PHACTR2: variants seen among roughly 807,000 people sequenced by gnomAD.
PHACTR2 encodes the protein phosphatase and actin regulator 2.
PHACTR2 carries 30 observed loss-of-function variants against 76.0 expected under a neutral mutation model. That is an observed-to-expected ratio of 0.39 (90% CI 0.30 to 0.54). The LOEUF is 0.54. Among genes scored for constraint, PHACTR2 ranks in the 20% least tolerant of loss-of-function variants. The pLI, the probability that PHACTR2 is intolerant of heterozygous loss-of-function variation, is 0.61. For synonymous variants in PHACTR2, 292 were observed against 292.5 expected (o/e 1.00, Z 0.02); for missense variants, 696 against 781.1 (o/e 0.89, Z 1.30).
rs1253507625 is a variant in PHACTR2 at position 143,570,565 on chromosome 6, G to C, written c.217+33358G>C. Among the ~76,000 whole-genome samples, 1 of 152,146 alleles carries C rather than the reference G, an allele frequency of 6.6e-6. No homozygotes were observed. Among genetic ancestry groups the C allele is most frequent in the Non-Finnish European group, 1.5e-5 (1 of 68,024 alleles). On this transcript the variant is annotated intron_variant, in intron 1 of 11. Transcript: ENST00000367584. This position sits in a 1 kb window ranked among gnomAD's most constrained non-coding sequence, Gnocchi z 4.6. ...TTGTGCCTTTTCAGTTCAGCTCCCA[G>C]AGCTGGTCCTGATGAGGTGACTGGC...
chr6:143,814,508 C>T (rs1478688237), intron 12 of PHACTR2, among the ~76,000 whole-genome samples: 3 of 150,780 alleles, frequency 2.0e-5, no homozygotes, highest in African/African-American at 7.3e-5. Flanking sequence ...GGTGAAAGAA[C>T]GTCCAATTAT....
At chr6:143,788,477 G>A (rs1259334445) in intron 10 of PHACTR2, among the ~76,000 whole-genome samples, 3 of 152,128 alleles carry the variant, frequency 2.0e-5, no homozygotes, top group Admixed American at 6.5e-5. Flanking sequence ...CTTGCGTCAG[G>A]GATGATAGAC....
Position 143,776,711 on chromosome 6 carries a change from G to T in PHACTR2, c.1590-617G>T, listed in dbSNP as rs1246827789. ...AGTCTAATTAATATATAGCTCATTA[G>T]GGTCTAAAATAGGATGCTGTGCCTG... is the stretch of plus-strand genomic sequence containing the variant. On this transcript the variant is annotated intron_variant, in intron 8 of 12. Coordinates refer to ENST00000440869, the MANE Select transcript of PHACTR2 (RefSeq NM_001100164.2). This position sits in a 1 kb window ranked among gnomAD's most constrained non-coding sequence, Gnocchi z 5.3. Among the ~76,000 whole-genome samples the T allele has an allele frequency of 6.6e-6, 1 of 152,186 alleles. No individual in the cohort carries two copies. Among genetic ancestry groups the T allele is most frequent in the Non-Finnish European group, 1.5e-5 (1 of 68,040 alleles).
chr6:143,579,810 G>A (rs1311136857), intron 1 of PHACTR2, among the ~76,000 whole-genome samples: 1 of 152,084 alleles, frequency 6.6e-6, no homozygotes, highest in East Asian at 1.9e-4. Context: ...TATTGTTTCT[G>A]TGAGTCAGGA....
At position 143,571,863 on chromosome 6, in the gene PHACTR2, T is replaced by C. The variant is rs534947272; in HGVS notation, c.217+34656T>C. On this transcript the variant is annotated intron_variant, in intron 1 of 11. Transcript: ENST00000367584. This position sits in a 1 kb window ranked among gnomAD's most constrained non-coding sequence, Gnocchi z 4.6. Reference sequence around the variant, plus strand: ...CAGTATTATTTTAATGTTAGATTTATAACGTTCTGTTCATGTTCTTGGAAA... The same window carrying C: ...CAGTATTATTTTAATGTTAGATTTACAACGTTCTGTTCATGTTCTTGGAAA... Among the ~76,000 whole-genome samples, 7 of 152,226 alleles carry C rather than the reference T, an allele frequency of 4.6e-5. No homozygotes were observed. Among genetic ancestry groups the C allele is most frequent in the Non-Finnish European group, 8.8e-5 (6 of 68,042 alleles).
chr6:143,796,366 C>T (rs954972560), intron 11 of PHACTR2, among the ~76,000 whole-genome samples: 1 of 148,010 alleles, frequency 6.8e-6, no homozygotes. Flanking sequence ...GCAAGGTCTG[C>T]ATTTTCTTTT....
At position 143,758,063 on chromosome 6, in the gene PHACTR2, G is replaced by A. The variant is rs373589756; in HGVS notation, c.455-2338G>A. On this transcript the variant is annotated intron_variant, in intron 4 of 12. Coordinates refer to ENST00000440869, the MANE Select transcript of PHACTR2 (RefSeq NM_001100164.2). Reference sequence around the variant, plus strand: ...GTTCGAAGAGTCAAGAGGAGCGGACGTATTCTCTAAGGAGCCAGGAGAAAG... The same window carrying A: ...GTTCGAAGAGTCAAGAGGAGCGGACATATTCTCTAAGGAGCCAGGAGAAAG... Among the ~76,000 whole-genome samples, 17 of 152,258 alleles carry A rather than the reference G, an allele frequency of 1.1e-4. 1 individual carries two copies. The highest frequency in any genetic ancestry group is 3.9e-4 in the East Asian group (2 of 5,180).
rs1582690528 is a variant in PHACTR2 at position 143,598,366 on chromosome 6, GA to G, written c.217+61161del. The stretch of plus-strand genomic sequence containing the variant: ...AGAATGCAACTGAGCCTAGGAGGTG[GA>G]AGAGACCAAGCCAGAGCCTCCAGAG... On this transcript the variant is annotated intron_variant, in intron 1 of 11. Transcript: ENST00000367584. This position sits in a 1 kb window ranked among gnomAD's most constrained non-coding sequence, Gnocchi z 4.1. Among the ~76,000 whole-genome samples the G allele has an allele frequency of 3.3e-5, 5 of 152,284 alleles. No individual in the cohort carries two copies. The East Asian group carries it at 9.6e-4, about 29-fold the overall frequency.
At chr6:143,773,922 G>A (rs752840531) in intron 7 of PHACTR2, 137 bp from the exon 8 acceptor site, 12 of 575,708 alleles carry the variant, frequency 2.1e-5, no homozygotes, top group Non-Finnish European at 3.5e-5. Context: ...TTTTTCCTTA[G>A]GTTAATTAAG....
intron 1 of PHACTR2, among the ~76,000 whole-genome samples, chr6:143,603,145 C>CAA (rs751947717): frequency 0.3 from 23,481 of 78,264 alleles, 3,726 homozygotes; most frequent in Non-Finnish European, 0.4. Flanking sequence ...GACTCTGTCT[C>CAA]AAAAAAAAAA....
chr6:143,540,889 C>G (rs1298129611), intron 1 of PHACTR2, among the ~76,000 whole-genome samples: 3 of 152,174 alleles, frequency 2.0e-5, no homozygotes, highest in African/African-American at 7.2e-5. Flanking sequence ...TGAACTCACA[C>G]TTCTGGAATT....
At chr6:143,732,992 C>A (rs1469066097) in intron 2 of PHACTR2, among the ~76,000 whole-genome samples, 1 of 152,090 alleles carries the variant, frequency 6.6e-6, no homozygotes, top group African/African-American at 2.4e-5. Flanking sequence ...GGGCTCAAAG[C>A]AATCCTCCTG....
Position 143,598,596 on chromosome 6 carries a change from G to A in PHACTR2, c.217+61389G>A, listed in dbSNP as rs1342730987. Among the ~76,000 whole-genome samples the A allele has an allele frequency of 6.6e-6, 1 of 152,188 alleles. No individual in the cohort carries two copies. The highest frequency in any genetic ancestry group is 2.4e-5 in the African/African-American group (1 of 41,446). ...AAAGCAGAAGTGTGGGCCAGGGAGGGATCGCAGTCATCTGATGGCAAAGCA... is the reference window on the plus strand; with the variant it reads ...AAAGCAGAAGTGTGGGCCAGGGAGGAATCGCAGTCATCTGATGGCAAAGCA... On this transcript the variant is annotated intron_variant, in intron 1 of 11. Transcript: ENST00000367584. The surrounding 1 kb of genome is among the most constrained non-coding windows in gnomAD (Gnocchi z 4.1).
In PHACTR2 at chr6:143,772,550, C is replaced by T; in HGVS notation, c.1432+93C>T. 8 of 859,754 alleles carry T rather than the reference C, an allele frequency of 9.3e-6. No individual in the cohort carries two copies. The highest frequency in any genetic ancestry group is 9.3e-6 in the Non-Finnish European group (5 of 537,300). The allele number at this position is 859,754 out of a possible 1,614,324, so 53.3% of individuals were successfully genotyped here. On this transcript the variant is annotated intron_variant, in intron 7 of 12. Coordinates refer to ENST00000440869, the MANE Select transcript of PHACTR2 (RefSeq NM_001100164.2). This position sits in a 1 kb window ranked among gnomAD's most constrained non-coding sequence, Gnocchi z 5.4. ...AATAAAAGCCTCATTAGGAACCAGA[C>T]ATCTGATGTTTTCTTTCCCCTCATC...
At chr6:143,629,233 G>A (rs1264471421) in intron 1 of PHACTR2, among the ~76,000 whole-genome samples, 4 of 151,966 alleles carry the variant, frequency 2.6e-5, no homozygotes, top group African/African-American at 4.8e-5. Flanking sequence ...AGCATCTTCT[G>A]GAGGGGGAAA....
Position 143,794,102 on chromosome 6 carries a change from T to C in PHACTR2, c.1845+5192T>C, listed in dbSNP as rs1429860479. ...CTTTAATGCACGGTACTTTTAATAATTTCTAAAAATACCATTTACTACCTA... is the reference window on the plus strand; with the variant it reads ...CTTTAATGCACGGTACTTTTAATAACTTCTAAAAATACCATTTACTACCTA... On this transcript the variant is annotated intron_variant, in intron 11 of 12. Coordinates refer to ENST00000440869, the MANE Select transcript of PHACTR2 (RefSeq NM_001100164.2). This position sits in a 1 kb window ranked among gnomAD's most constrained non-coding sequence, Gnocchi z 4.1. Among the ~76,000 whole-genome samples, 1 of 151,884 alleles carries C rather than the reference T, an allele frequency of 6.6e-6. No homozygotes were observed.
At chr6:143,771,194 G>GTGTATATA (rs1385863777) in intron 6 of PHACTR2, among the ~76,000 whole-genome samples, 4 of 40,476 alleles carry the variant, frequency 9.9e-5, no homozygotes, top group South Asian at 8.0e-4. Flanking sequence ...ATATATGTGT[G>GTGTATATA]TATATATATA....
chr6:143,681,005 C>G (rs1177554243), intron 1 of PHACTR2, among the ~76,000 whole-genome samples: 1 of 152,090 alleles, frequency 6.6e-6, no homozygotes, highest in Non-Finnish European at 1.5e-5. Context: ...ATCCATTTAT[C>G]AGTTGATGGA....
chr6:143,779,827 C>A (rs1222027404), intron 9 of PHACTR2, among the ~76,000 whole-genome samples: 2 of 151,282 alleles, frequency 1.3e-5, no homozygotes, highest in Non-Finnish European at 2.9e-5. Flanking sequence ...CCATGCCAGT[C>A]CTTACTTGAT....
Sources: allele counts gnomAD v4.1 joint callset (sites outside exome capture counted in the v4.1 genomes callset), GRCh38; gene constraint gnomAD v4.1.1; non-coding constraint Gnocchi (gnomAD v3.1); transcripts MANE v1.5; gene names NCBI Gene and HGNC (gene_info 2026-07-23, HGNC 2026-07-21).